The following LINGO2 variants were observed in gnomAD, a reference collection of about 807,000 sequenced individuals.
The protein encoded by LINGO2 is leucine-rich repeat and immunoglobulin-like domain-containing nogo receptor-interacting protein 2.
Under a neutral mutation model 30.6 loss-of-function variants are expected in LINGO2, and 14 were observed. The observed-to-expected ratio is 0.46, with a 90% CI of 0.30 to 0.72. The LOEUF (loss-of-function observed/expected upper bound fraction) is 0.72. Ranked by LOEUF, LINGO2 falls within the 30% of genes least tolerant of loss-of-function variation. LINGO2 has a pLI of 0.07. For missense variants in LINGO2, 729 were observed against 751.7 expected, an observed-to-expected ratio of 0.97 and a Z score of 0.35; for synonymous variants, 317 against 288.5, an observed-to-expected ratio of 1.10 and a Z score of -1.00.
chr9:28,079,791 G>C (rs1023750683), intron 4 of LINGO2, among the ~76,000 whole-genome samples: 10 of 152,110 alleles, frequency 6.6e-5, no homozygotes, highest in African/African-American at 2.4e-4. Flanking sequence ...CTGATCTCTA[G>C]CTTCCTTTGT....
the LINGO2 span, among the ~76,000 whole-genome samples, chr9:28,792,239 G>T: frequency 6.6e-6 from 1 of 151,796 alleles, no homozygotes; most frequent in Admixed American, 6.6e-5. Flanking sequence ...TAAGAGAAGA[G>T]AAAAGAAAGA....
At chr9:28,237,118 G>A (rs1235721950) in intron 4 of LINGO2, among the ~76,000 whole-genome samples, 2 of 9,462 alleles carry the variant, frequency 2.1e-4, no homozygotes, top group African/African-American at 3.5e-4. Context: ...TAAACAGTGC[G>A]GGGGGGGGGT....
the LINGO2 span, among the ~76,000 whole-genome samples, chr9:29,208,843 G>C: frequency 6.6e-6 from 1 of 152,030 alleles, no homozygotes. Flanking sequence ...CAGATCCACT[G>C]CTTTTTCTAT....
chr9:28,141,078 G>C (rs1242041774), intron 4 of LINGO2, among the ~76,000 whole-genome samples: 1 of 152,082 alleles, frequency 6.6e-6, no homozygotes, highest in Non-Finnish European at 1.5e-5. Flanking sequence ...TCCTGATGCA[G>C]AAAATTGCCT....
At chr9:28,282,565 T>C (rs1823365390) in intron 4 of LINGO2, among the ~76,000 whole-genome samples, 1 of 152,136 alleles carries the variant, frequency 6.6e-6, no homozygotes, top group Non-Finnish European at 1.5e-5. Context: ...GGAGAAAATA[T>C]TATTTTTCAA....
At chr9:27,966,874 C>A (rs533090335) in intron 5 of LINGO2, among the ~76,000 whole-genome samples, 1 of 152,248 alleles carries the variant, frequency 6.6e-6, no homozygotes, top group South Asian at 2.1e-4. Flanking sequence ...AGAACAACTA[C>A]CCCTCCTTCA....
chr9:28,501,500 G>A (rs1819880694), intron 1 of LINGO2, among the ~76,000 whole-genome samples: 1 of 152,160 alleles, frequency 6.6e-6, no homozygotes, highest in South Asian at 2.1e-4. Flanking sequence ...AGGAAGCACT[G>A]CAAGTAAAAA....
the LINGO2 span, among the ~76,000 whole-genome samples, chr9:29,208,613 C>T: frequency 6.6e-6 from 1 of 152,046 alleles, no homozygotes; most frequent in Non-Finnish European, 1.5e-5. Flanking sequence ...TTTATTTATT[C>T]TTCTATCAAG....
the LINGO2 span, among the ~76,000 whole-genome samples, chr9:28,893,579 AT>A: frequency 0.9 from 135,864 of 151,432 alleles, 61,202 homozygotes; most frequent in Non-Finnish European, 0.94. Context: ...AATGGTTATC[AT>A]TTTTTTTTTT....
intron 2 of LINGO2, among the ~76,000 whole-genome samples, chr9:28,443,392 G>A (rs1824277209): frequency 6.6e-6 from 1 of 152,212 alleles, no homozygotes; most frequent in African/African-American, 2.4e-5. Context: ...GCGGGGAACA[G>A]GCGGGAGCCC....
At chr9:28,989,788 G>C in the LINGO2 span, among the ~76,000 whole-genome samples, 1 of 152,272 alleles carries the variant, frequency 6.6e-6, no homozygotes, top group South Asian at 2.1e-4. Context: ...ATGAGATTAA[G>C]TTTTAGAAAG....
chr9:28,256,772 G>A (rs1822396386), intron 4 of LINGO2, among the ~76,000 whole-genome samples: 1 of 151,786 alleles, frequency 6.6e-6, no homozygotes, highest in Non-Finnish European at 1.5e-5. Flanking sequence ...AATTAAAGCA[G>A]TATTATATTC....
chr9:28,494,771 T>C (rs1292382538), intron 1 of LINGO2, among the ~76,000 whole-genome samples: 1 of 152,362 alleles, frequency 6.6e-6, no homozygotes, highest in South Asian at 2.1e-4. Flanking sequence ...TTTCTAGTTC[T>C]AGATCCTTGA....
the LINGO2 span, among the ~76,000 whole-genome samples, chr9:28,832,199 G>T: frequency 2.0e-5 from 3 of 152,192 alleles, no homozygotes; most frequent in South Asian, 6.2e-4. Flanking sequence ...GTTGGAGTTG[G>T]CAAGATGTTA....
chr9:28,324,739 C>A (rs541060938), intron 3 of LINGO2, among the ~76,000 whole-genome samples: 12 of 152,112 alleles, frequency 7.9e-5, no homozygotes, highest in Non-Finnish European at 1.5e-4. Context: ...GAATTGGCCA[C>A]CCCTTCCCCA....
At chr9:28,332,556 T>G (rs1825459944) in intron 3 of LINGO2, among the ~76,000 whole-genome samples, 1 of 151,686 alleles carries the variant, frequency 6.6e-6, no homozygotes, top group Admixed American at 6.6e-5. Flanking sequence ...GAAGTTGGCC[T>G]TGTTGAAATG....
intron 1 of LINGO2, among the ~76,000 whole-genome samples, chr9:28,630,471 G>C (rs1382965755): frequency 6.6e-6 from 1 of 151,870 alleles, no homozygotes; most frequent in Non-Finnish European, 1.5e-5. Context: ...TTTCTTCAGA[G>C]GTTTATATAC....
the LINGO2 span, among the ~76,000 whole-genome samples, chr9:29,189,900 C>G: frequency 6.6e-6 from 1 of 151,600 alleles, no homozygotes; most frequent in East Asian, 1.9e-4. Context: ...CAATCGCAGG[C>G]ACTCAGCAGG....
At chr9:28,482,947 A>G (rs1826034870) in intron 1 of LINGO2, among the ~76,000 whole-genome samples, 2 of 152,116 alleles carry the variant, frequency 1.3e-5, no homozygotes, top group South Asian at 2.1e-4. Context: ...ACATTTTAAG[A>G]AAGATTTTTC....
Sources: gnomAD v4.1 joint callset for allele counts (sites outside exome capture counted in the v4.1 genomes callset) on GRCh38, gnomAD v4.1.1 for gene constraint, MANE v1.5 for transcripts, NCBI Gene and HGNC (gene_info 2026-07-23, HGNC 2026-07-21) for gene names.